PDE4D: variants seen among roughly 807,000 people sequenced by gnomAD.
PDE4D encodes phosphodiesterase 4D.
Under a neutral mutation model 87.4 loss-of-function variants are expected in PDE4D, and 24 were observed. That is an observed-to-expected ratio of 0.27 (90% confidence interval 0.20 to 0.39). The LOEUF is 0.39. PDE4D is among the 10% of genes least tolerant of loss of function. The pLI is 1.00. For missense variants in PDE4D, 714 were observed against 1,041.0 expected, an observed-to-expected ratio of 0.69 and a Z score of 4.32; for synonymous variants, 384 against 383.2, an observed-to-expected ratio of 1.00 and a Z score of -0.02.
chr5:60,209,853 G>T (rs1742983504), intron 1 of PDE4D, among the ~76,000 whole-genome samples: 1 of 151,990 alleles, frequency 6.6e-6, no homozygotes, highest in African/African-American at 2.4e-5. Flanking sequence ...GCTTTAAGTT[G>T]GGAAATTCTC....
chr5:60,468,511 C>A (rs77947515), intron 1 of PDE4D, among the ~76,000 whole-genome samples: 3 of 152,110 alleles, frequency 2.0e-5, no homozygotes, highest in East Asian at 3.9e-4. Flanking sequence ...AGCTTCATTG[C>A]CCACTCAACA....
intron 1 of PDE4D, among the ~76,000 whole-genome samples, chr5:60,512,977 C>T (rs56679922): frequency 0.035 from 5,368 of 151,992 alleles, 124 homozygotes; most frequent in African/African-American, 0.064. Flanking sequence ...TGGAAGTCAA[C>T]AGAGCAGGAA....
At chr5:59,252,140 T>C (rs1760081095) in intron 1 of PDE4D, among the ~76,000 whole-genome samples, 1 of 152,146 alleles carries the variant, frequency 6.6e-6, no homozygotes, top group South Asian at 2.1e-4. Flanking sequence ...TCTACCCATA[T>C]AACAAACCTT....
intron 1 of PDE4D, among the ~76,000 whole-genome samples, chr5:59,806,673 T>G (rs899366955): frequency 6.6e-6 from 1 of 152,256 alleles, no homozygotes; most frequent in African/African-American, 2.4e-5. Context: ...CTATTAAAAT[T>G]TCTACTTCCC....
At chr5:60,317,237 T>C (rs1257829650) in intron 1 of PDE4D, among the ~76,000 whole-genome samples, 3 of 152,230 alleles carry the variant, frequency 2.0e-5, no homozygotes, top group African/African-American at 4.8e-5. Flanking sequence ...TGTCCAGGAC[T>C]TGATCCATTT....
At chr5:60,300,829 G>A (rs1168649118) in intron 1 of PDE4D, among the ~76,000 whole-genome samples, 2 of 151,822 alleles carry the variant, frequency 1.3e-5, no homozygotes, top group Non-Finnish European at 2.9e-5. Flanking sequence ...CTGGAGTGCA[G>A]TGGCACGATC....
chr5:59,949,031 G>A (rs998158838), intron 3 of PDE4D, among the ~76,000 whole-genome samples: 4 of 152,212 alleles, frequency 2.6e-5, no homozygotes, highest in African/African-American at 9.6e-5. Flanking sequence ...GCTAGTATGT[G>A]GCAGAGGACT....
At chr5:59,052,901 A>G (rs55946132) in intron 5 of PDE4D, among the ~76,000 whole-genome samples, 37,330 of 152,044 alleles carry the variant, frequency 0.25, 5,299 homozygotes, top group Middle Eastern at 0.39. Context: ...ATTATCATCT[A>G]TTACATGTAA....
intron 2 of PDE4D, among the ~76,000 whole-genome samples, chr5:60,181,644 T>C (rs761790783): frequency 6.6e-6 from 1 of 152,194 alleles, no homozygotes; most frequent in Non-Finnish European, 1.5e-5. Context: ...TCCAATTAAG[T>C]AGATGACATC....
intron 1 of PDE4D, among the ~76,000 whole-genome samples, chr5:59,359,548 T>A (rs970861185): frequency 1.3e-5 from 2 of 152,132 alleles, no homozygotes; most frequent in Non-Finnish European, 2.9e-5. Flanking sequence ...AATATCAATA[T>A]TGTTTTTGAA....
At chr5:59,302,991 A>G (rs183066660) in intron 1 of PDE4D, among the ~76,000 whole-genome samples, 56 of 152,290 alleles carry the variant, frequency 3.7e-4, no homozygotes, top group Admixed American at 3.0e-3. Context: ...ACTAGTTTGC[A>G]TTCCCACCAG....
At chr5:59,990,544 A>G (rs1287021885) in intron 2 of PDE4D, among the ~76,000 whole-genome samples, 1 of 8,356 alleles carries the variant, frequency 1.2e-4, no homozygotes, top group Non-Finnish European at 5.6e-4. Flanking sequence ...AAAACAAACA[A>G]AAAAAAAGAG....
chr5:59,579,226 T>C (rs1233447149), intron 1 of PDE4D, among the ~76,000 whole-genome samples: 1 of 152,192 alleles, frequency 6.6e-6, no homozygotes, highest in Non-Finnish European at 1.5e-5. Flanking sequence ...TACTATACTG[T>C]AATTATTTGT....
intron 1 of PDE4D, among the ~76,000 whole-genome samples, chr5:59,576,726 C>G (rs1210840537): frequency 6.6e-6 from 1 of 152,132 alleles, no homozygotes; most frequent in Non-Finnish European, 1.5e-5. Flanking sequence ...CAGTGAAGAT[C>G]TCACAGAATG....
intron 1 of PDE4D, among the ~76,000 whole-genome samples, chr5:60,425,453 A>G (rs1380479126): frequency 6.6e-6 from 1 of 152,218 alleles, no homozygotes; most frequent in African/African-American, 2.4e-5. Flanking sequence ...TATTTAATAA[A>G]TGGTGCTGGG....
intron 1 of PDE4D, among the ~76,000 whole-genome samples, chr5:59,884,045 A>G (rs571136681): frequency 2.6e-5 from 4 of 152,260 alleles, no homozygotes; most frequent in Admixed American, 6.5e-5. Context: ...TAAAAACAAC[A>G]CATGCTCATT....
chr5:59,425,405 T>C (rs560259964), intron 1 of PDE4D, among the ~76,000 whole-genome samples: 4 of 152,284 alleles, frequency 2.6e-5, no homozygotes, highest in African/African-American at 7.2e-5. Flanking sequence ...GTGTGTATTA[T>C]AGGAGATTTA....
At chr5:60,316,080 T>C (rs1755560528) in intron 1 of PDE4D, among the ~76,000 whole-genome samples, 2 of 152,198 alleles carry the variant, frequency 1.3e-5, no homozygotes, top group South Asian at 4.1e-4. Context: ...CCTTGGGCAG[T>C]ATGGCCATTT....
At chr5:59,053,987 T>C (rs1400109968) in intron 5 of PDE4D, among the ~76,000 whole-genome samples, 1 of 152,162 alleles carries the variant, frequency 6.6e-6, no homozygotes, top group African/African-American at 2.4e-5. Flanking sequence ...CACTAGGAAT[T>C]ACTAATTCAG....
Sources: gnomAD v4.1 joint callset for allele counts (sites outside exome capture counted in the v4.1 genomes callset) on GRCh38, gnomAD v4.1.1 for gene constraint, MANE v1.5 for transcripts, NCBI Gene and HGNC (gene_info 2026-07-23, HGNC 2026-07-21) for gene names.